Variants in ENTPD5 observed in about 807,000 individuals in gnomAD.
ENTPD5 encodes the protein ectonucleoside triphosphate diphosphohydrolase 5 (inactive), also known as nucleoside diphosphate phosphatase ENTPD5.
A neutral mutation model predicts 60.2 loss-of-function variants in ENTPD5; 49 were observed. That is an observed-to-expected ratio of 0.81 (90% CI 0.65 to 1.03). The LOEUF (loss-of-function observed/expected upper bound fraction) is 1.03, where lower values mean the gene tolerates loss of function less well. Ranked by LOEUF, ENTPD5 falls within the 50% of genes least tolerant of loss-of-function variation. ENTPD5 has a pLI of 0.00. For missense variants in ENTPD5, 480 were observed against 507.6 expected, an observed-to-expected ratio of 0.95 and a Z score of 0.52; for synonymous variants, 187 against 185.4, an observed-to-expected ratio of 1.01 and a Z score of -0.07.
chr14:73,988,085 G>A lies in ENTPD5; in HGVS notation c.18C>T (p.Gly6=). The change falls in exon 4 of 16, where the codon GGC becomes GGT. Residue 6 remains glycine (G), a synonymous_variant. Transcript: ENST00000334696. MATSW[G]TVFFMLVVSC... ...ATACCACCAGCATGAAAAAGACTGT[G>A]CCCCAAGAAGTGGCCATTCTTTTCC... 1 of 1,611,386 alleles carries A rather than the reference G, an allele frequency of 6.2e-7. No homozygotes were observed. The highest frequency in any genetic ancestry group is 8.5e-7 in the Non-Finnish European group (1 of 1,179,218).
At chr14:73,999,574 T>C (rs916309323) in intron 3 of ENTPD5, among the ~76,000 whole-genome samples, 2 of 151,698 alleles carry the variant, frequency 1.3e-5, no homozygotes, top group African/African-American at 4.9e-5. Flanking sequence ...GGTGGGCGGA[T>C]CATGAGGTCA....
chr14:73,977,524 T>C (rs984740327), intron 6 of ENTPD5, 150 bp from the exon 7 acceptor site: 3 of 575,384 alleles, frequency 5.2e-6, no homozygotes, highest in Non-Finnish European at 9.1e-6. Flanking sequence ...CCTAAGAAAC[T>C]AGAGAAGAAA....
At chr14:73,993,106 G>A (rs560347493) in intron 3 of ENTPD5, among the ~76,000 whole-genome samples, 1 of 152,274 alleles carries the variant, frequency 6.6e-6, no homozygotes, top group Non-Finnish European at 1.5e-5. Context: ...ACAGGCCAAG[G>A]TGAGTGGATT....
downstream of ENTPD5, chr14:73,961,071 C>A: frequency 7.5e-7 from 1 of 1,337,668 alleles, no homozygotes; most frequent in Non-Finnish European, 1.0e-6. Flanking sequence ...AGTTGGGTAG[C>A]ATTAGCCTAA....
chr14:73,961,905 T>A (rs768504874), downstream of ENTPD5: 4 of 1,614,154 alleles, frequency 2.5e-6, no homozygotes, highest in Non-Finnish European at 2.5e-6. Context: ...CCACTCAAAG[T>A]AAGAGGTTGC....
Position 73,970,149 on chromosome 14 carries a change from A to T in ENTPD5, c.1085-24T>A, listed in dbSNP as rs761544145. 9 of 1,554,584 alleles carry T rather than the reference A, an allele frequency of 5.8e-6. 1 individual carries two copies. The South Asian group carries it at 1.0e-4, about 17-fold the overall frequency. ...CACTGAAAGAGAGAGTAAACAGTGG[A>T]GCTCAAGTTTGCAACTAACTGAGAG... On this transcript the variant is annotated intron_variant, in intron 14 of 15. Transcript: ENST00000334696.
intron 3 of ENTPD5, among the ~76,000 whole-genome samples, chr14:74,001,716 T>C (rs1420564654): frequency 7.4e-6 from 1 of 135,596 alleles, no homozygotes; most frequent in Non-Finnish European, 1.5e-5. Context: ...GGCATGGTGG[T>C]ACACACCTGT....
At chr14:73,985,010 G>C (rs149271128) in intron 5 of ENTPD5, among the ~76,000 whole-genome samples, 1 of 152,054 alleles carries the variant, frequency 6.6e-6, no homozygotes, top group Non-Finnish European at 1.5e-5. Context: ...CTGTTCTTGC[G>C]ACAGTTTGCT....
rs2058832836 is a variant in ENTPD5 at position 74,011,056 on chromosome 14, G to A, written c.-71+35C>T. 6.2e-6 allele frequency: 3 copies of A among 487,368 alleles called. No individual in the cohort carries two copies. The Admixed American group carries it at 1.9e-4, about 31-fold the overall frequency. The allele number at this position is 487,368 out of a possible 1,614,324, so 30.2% of individuals were successfully genotyped here. A position where few individuals can be genotyped will look rare whatever the true frequency, so the allele number is the denominator to read the frequency against. Reference sequence around the variant, plus strand: ...CAGAATTTGCAGAAATCTGACCTATGAAAAAGTGAAGTATTACTTATATAT... The same window carrying A: ...CAGAATTTGCAGAAATCTGACCTATAAAAAAGTGAAGTATTACTTATATAT... On this transcript the variant is annotated intron_variant, in intron 3 of 15. Coordinates refer to ENST00000334696, the MANE Select transcript of ENTPD5 (RefSeq NM_001249.5).
At chr14:73,982,931 T>A (rs2057751080) in intron 6 of ENTPD5, 87 bp downstream of exon 6, 5 of 1,356,552 alleles carry the variant, frequency 3.7e-6, no homozygotes, top group Non-Finnish European at 5.1e-6. Context: ...CTGAAGGTAG[T>A]GGTCACATTC....
intron 2 of ENTPD5, among the ~76,000 whole-genome samples, chr14:74,013,454 A>G (rs1028218824): frequency 7.2e-5 from 11 of 152,178 alleles, no homozygotes; most frequent in Non-Finnish European, 1.6e-4. Flanking sequence ...GCCCAACACA[A>G]ATTTGTAAAC....
intron 13 of ENTPD5, 54 bp downstream of exon 13, chr14:73,972,830 C>T (rs1225142866): frequency 1.7e-5 from 27 of 1,589,264 alleles, no homozygotes; most frequent in Non-Finnish European, 2.3e-5. Flanking sequence ...TTGACCTTCC[C>T]CACCACAGCC....
chr14:73,985,306 G>T (rs2057853881), intron 5 of ENTPD5, among the ~76,000 whole-genome samples: 1 of 152,166 alleles, frequency 6.6e-6, no homozygotes, highest in African/African-American at 2.4e-5. Flanking sequence ...AGATCCTTGA[G>T]GAATCACCAC....
intron 1 of ENTPD5, among the ~76,000 whole-genome samples, chr14:74,016,373 A>G (rs1382013130): frequency 1.3e-5 from 2 of 152,238 alleles, no homozygotes; most frequent in African/African-American, 4.8e-5. Flanking sequence ...GTGGCGACTC[A>G]TGCCTGTAAT....
chr14:74,000,138 T>C (rs1004218871), intron 3 of ENTPD5, among the ~76,000 whole-genome samples: 5 of 144,398 alleles, frequency 3.5e-5, no homozygotes, highest in Non-Finnish European at 6.0e-5. Context: ...ACTAACTCCC[T>C]AGAGGATTTG....
Position 74,011,163 on chromosome 14 carries a change from G to A in ENTPD5, c.-130-13C>T. On this transcript the variant is annotated splice_polypyrimidine_tract_variant and intron_variant, in intron 2 of 15. Coordinates refer to ENST00000334696, the MANE Select transcript of ENTPD5 (RefSeq NM_001249.5). ...TCACTTTTTCAACCTGTGTAAGATG[G>A]ACATGAATAATTATAAGAACAGTTT... The A allele has an allele frequency of 1.2e-6, 1 of 816,840 alleles. No individual in the cohort carries two copies. Among genetic ancestry groups the A allele is most frequent in the Non-Finnish European group, 1.5e-6 (1 of 676,192 alleles). The allele number at this position is 816,840 out of a possible 1,614,324, so 50.6% of individuals were successfully genotyped here. A position where few individuals can be genotyped will look rare whatever the true frequency, so the allele number is the denominator to read the frequency against.
At chr14:73,978,073 T>C (rs2057518975) in intron 6 of ENTPD5, among the ~76,000 whole-genome samples, 2 of 152,200 alleles carry the variant, frequency 1.3e-5, no homozygotes, top group African/African-American at 4.8e-5. Flanking sequence ...TCATTTCTGA[T>C]GGATGAAACA....
At chr14:73,999,449 T>G (rs558359641) in intron 3 of ENTPD5, among the ~76,000 whole-genome samples, 1 of 148,982 alleles carries the variant, frequency 6.7e-6, no homozygotes, top group African/African-American at 2.5e-5. Flanking sequence ...GATCACAGGA[T>G]TGCACCCCAG....
chr14:74,005,364 C>A (rs1258759904), intron 3 of ENTPD5, among the ~76,000 whole-genome samples: 26 of 117,100 alleles, frequency 2.2e-4, no homozygotes, highest in East Asian at 6.8e-4. Flanking sequence ...GACTCGGTCT[C>A]AAAAAAAAAG....
Sources: gnomAD v4.1 joint callset for allele counts (sites outside exome capture counted in the v4.1 genomes callset) on GRCh38, gnomAD v4.1.1 for gene constraint, MANE v1.5 for transcripts, NCBI Gene and HGNC (gene_info 2026-07-23, HGNC 2026-07-21) for gene names.